DTNBP1: variants seen among roughly 807,000 people sequenced by gnomAD.
The protein encoded by DTNBP1 is dystrobrevin binding protein 1.
A neutral mutation model predicts 42.8 loss-of-function variants in DTNBP1; 35 were observed. The ratio of observed to expected loss-of-function variants is 0.82; its 90% CI spans 0.63 to 1.09. The LOEUF (loss-of-function observed/expected upper bound fraction) is 1.09. Among genes scored for constraint, DTNBP1 ranks in the 50% least tolerant of loss-of-function variants. The pLI is 0.00. For missense variants in DTNBP1, 457 were observed against 424.2 expected (o/e 1.08, Z -0.68); for synonymous variants, 171 against 162.2 (o/e 1.05, Z -0.41).
chr6:15,635,848 A>G (rs576767910), intron 4 of DTNBP1, among the ~76,000 whole-genome samples: 1 of 152,220 alleles, frequency 6.6e-6, no homozygotes, highest in Non-Finnish European at 1.5e-5. Flanking sequence ...ACTTTAAAAT[A>G]TTTGATAGTG....
At chr6:15,591,026 T>C (rs1488710223) in intron 7 of DTNBP1, among the ~76,000 whole-genome samples, 2 of 152,176 alleles carry the variant, frequency 1.3e-5, no homozygotes, top group Non-Finnish European at 2.9e-5. Flanking sequence ...TGCCACAATA[T>C]GTTCGAACAA....
Position 15,618,618 on chromosome 6 carries a change from G to A in DTNBP1, c.356-3219C>T, listed in dbSNP as rs76289538. ...GCGGAGAAACGAGTTCTCATACGCT[G>A]TTGTCGGGAATTTAAATTAGTATAA... On this transcript the variant is annotated intron_variant, in intron 5 of 9. Transcript: ENST00000344537. Among the ~76,000 whole-genome samples, 399 of 152,068 alleles carry A rather than the reference G, an allele frequency of 2.6e-3. 3 individuals are homozygous for A. Among genetic ancestry groups the A allele is most frequent in the African/African-American group, 9.3e-3 (387 of 41,460 alleles).
chr6:15,651,424 A>G, intron 2 of DTNBP1, 61 bp from the exon 3 acceptor site: 2 of 1,548,728 alleles, frequency 1.3e-6, no homozygotes, highest in Non-Finnish European at 1.8e-6. Context: ...AAAAAAAAAA[A>G]GGTACATACA....
chr6:15,654,701 T>G (rs545198405), intron 1 of DTNBP1, among the ~76,000 whole-genome samples: 1 of 152,242 alleles, frequency 6.6e-6, no homozygotes, highest in Non-Finnish European at 1.5e-5. Context: ...AAAGTAAAAT[T>G]GTTGGAAGAT....
intron 4 of DTNBP1, among the ~76,000 whole-genome samples, chr6:15,632,160 G>A (rs1759733356): frequency 6.6e-6 from 1 of 151,360 alleles, no homozygotes; most frequent in African/African-American, 2.4e-5. Context: ...TGGTTTATAG[G>A]GGTTATTCAT....
chr6:15,567,274 G>C (rs1033540023), intron 7 of DTNBP1, among the ~76,000 whole-genome samples: 1 of 151,704 alleles, frequency 6.6e-6, no homozygotes, highest in Non-Finnish European at 1.5e-5. Context: ...GGGCAACACA[G>C]TGAGATCCTG....
chr6:15,555,391 T>C (rs1581314511), intron 7 of DTNBP1, among the ~76,000 whole-genome samples: 1 of 151,922 alleles, frequency 6.6e-6, no homozygotes, highest in African/African-American at 2.4e-5. Flanking sequence ...CCAAGGATGG[T>C]TAGGCATTCT....
chr6:15,527,581 C>T (rs952880302), intron 8 of DTNBP1, among the ~76,000 whole-genome samples: 1 of 152,026 alleles, frequency 6.6e-6, no homozygotes, highest in Non-Finnish European at 1.5e-5. Context: ...CGCTGAAAAT[C>T]AAGCCTGAAT....
At chr6:15,549,346 G>A (rs554631666) in intron 7 of DTNBP1, among the ~76,000 whole-genome samples, 2 of 151,840 alleles carry the variant, frequency 1.3e-5, no homozygotes, top group African/African-American at 2.4e-5. Context: ...TTAGCCAGGC[G>A]TGGTGGCGGG....
intron 6 of DTNBP1, 53 bp from the exon 7 acceptor site, chr6:15,593,134 A>T: frequency 6.8e-7 from 1 of 1,478,188 alleles, no homozygotes; most frequent in African/African-American, 1.4e-5. Flanking sequence ...AATCTCCCCA[A>T]TGAAAACTGT....
intron 6 of DTNBP1, among the ~76,000 whole-genome samples, chr6:15,597,459 T>G (rs1318462845): frequency 6.6e-6 from 1 of 152,166 alleles, no homozygotes; most frequent in Non-Finnish European, 1.5e-5. Flanking sequence ...AGCAGGAGTT[T>G]TAAGTTCCAG....
chr6:15,627,945 T>G (rs1007190354), intron 4 of DTNBP1, among the ~76,000 whole-genome samples: 1 of 152,194 alleles, frequency 6.6e-6, no homozygotes, highest in African/African-American at 2.4e-5. Context: ...CAATTTACAT[T>G]TAAACAGGAA....
intron 7 of DTNBP1, among the ~76,000 whole-genome samples, chr6:15,579,097 CAT>C (rs1775705106): frequency 1.3e-5 from 2 of 152,192 alleles, no homozygotes; most frequent in African/African-American, 4.8e-5. Flanking sequence ...GCTGCACTCT[CAT>C]GTTTCTTGCA....
intron 2 of DTNBP1, 79 bp from the exon 3 acceptor site, chr6:15,651,442 T>G (rs780397965): frequency 3.2e-6 from 5 of 1,552,600 alleles, no homozygotes; most frequent in Non-Finnish European, 4.4e-6. Context: ...ACAAGAATTT[T>G]GACATTGTCA....
At chr6:15,524,317 A>G (rs1351674972) in intron 9 of DTNBP1, 2 of 1,611,380 alleles carry the variant, frequency 1.2e-6, no homozygotes. Context: ...GAGCATGTCA[A>G]ATCTTTGAGA....
intron 9 of DTNBP1, 105 bp from the exon 10 acceptor site, chr6:15,523,324 T>C: frequency 6.6e-7 from 1 of 1,506,946 alleles, no homozygotes; most frequent in Non-Finnish European, 9.1e-7. Flanking sequence ...GGGGGTGTGG[T>C]TTTTGTTCCA....
At chr6:15,533,499 C>T in intron 7 of DTNBP1, 104 bp from the exon 8 acceptor site, 6 of 1,585,218 alleles carry the variant, frequency 3.8e-6, no homozygotes, top group Admixed American at 1.7e-5. Flanking sequence ...TGGAGTCATG[C>T]CGCGTTTACA....
Position 15,662,941 on chromosome 6 carries a change from C to T in DTNBP1, c.-72G>A, listed in dbSNP as rs2113843919. On this transcript the variant is annotated 5_prime_UTR_variant, in exon 1 of 10. Transcript: ENST00000344537. ...CCTCTGTCGCCCCCTGGGTCCCACG[C>T]CGCCAACCCCGCGCTGTCACCGCGC... 2 of 1,588,366 alleles carry T rather than the reference C, an allele frequency of 1.3e-6. No individual in the cohort carries two copies. The highest frequency in any genetic ancestry group is 1.1e-5 in the South Asian group (1 of 90,674).
intron 6 of DTNBP1, among the ~76,000 whole-genome samples, chr6:15,600,159 G>A (rs565039671): frequency 3.4e-4 from 52 of 151,906 alleles, no homozygotes; most frequent in Admixed American, 2.8e-3. Flanking sequence ...GTCCATACAC[G>A]CAGAGAAGCA....
Sources: allele counts gnomAD v4.1 joint callset (sites outside exome capture counted in the v4.1 genomes callset), GRCh38; gene constraint gnomAD v4.1.1; transcripts MANE v1.5; gene names NCBI Gene and HGNC (gene_info 2026-07-23, HGNC 2026-07-21).